NEXMIF: variants seen among roughly 807,000 people sequenced by gnomAD.
NEXMIF encodes XLMR protein related to neurite extension.
In NEXMIF, 8 loss-of-function variants were observed where a neutral mutation model predicts 62.1. The observed-to-expected ratio is 0.13, with a 90% CI of 0.08 to 0.23. The LOEUF (loss-of-function observed/expected upper bound fraction) is 0.23. Ranked by LOEUF, NEXMIF falls within the 10% of genes least tolerant of loss-of-function variation. NEXMIF has a pLI of 1.00. For synonymous variants in NEXMIF, 404 were observed against 416.6 expected, an observed-to-expected ratio of 0.97 and a Z score of 0.37; for missense variants, 976 against 1,113.3, an observed-to-expected ratio of 0.88 and a Z score of 1.75.
At chrX:74,757,759 C>G (rs1332160921) in intron 1 of NEXMIF, among the ~76,000 whole-genome samples, 2 of 111,116 alleles carry the variant, frequency 1.8e-5, no homozygotes, top group African/African-American at 6.5e-5. Flanking sequence ...CTTTTCTTTG[C>G]CTTTCTGCCA....
intron 1 of NEXMIF, among the ~76,000 whole-genome samples, chrX:74,922,276 T>C (rs900662488): frequency 1.8e-5 from 2 of 111,489 alleles, no homozygotes; most frequent in Non-Finnish European, 3.8e-5. Context: ...AGGGACAGAC[T>C]TGAAGTAAAA....
chrX:74,793,367 C>G (rs1429194774), intron 1 of NEXMIF, among the ~76,000 whole-genome samples: 2 of 108,492 alleles, frequency 1.8e-5, no homozygotes, highest in African/African-American at 3.3e-5. Context: ...ATGGGCTTCC[C>G]TTTGAGGGTA....
At chrX:74,842,690 C>G (rs1020190499) in intron 1 of NEXMIF, among the ~76,000 whole-genome samples, 2 of 112,206 alleles carry the variant, frequency 1.8e-5, no homozygotes, top group Non-Finnish European at 3.8e-5. Flanking sequence ...TCATTCTTTT[C>G]AAAGAACTTC....
chrX:74,755,101 A>G (rs1264760400), intron 1 of NEXMIF, among the ~76,000 whole-genome samples: 1 of 112,311 alleles, frequency 8.9e-6, no homozygotes, highest in Non-Finnish European at 1.9e-5. Context: ...AGCAGTGAAG[A>G]ACAGCATAGT....
chrX:74,908,815 T>A (rs2080777519), intron 1 of NEXMIF, among the ~76,000 whole-genome samples: 1 of 112,035 alleles, frequency 8.9e-6, no homozygotes, highest in Non-Finnish European at 1.9e-5. Flanking sequence ...AGGGACTCAG[T>A]GGGAGATAAT....
intron 1 of NEXMIF, among the ~76,000 whole-genome samples, chrX:74,872,462 A>T (rs2147505096): frequency 9.4e-6 from 1 of 106,903 alleles, no homozygotes; most frequent in Admixed American, 1.0e-4. Flanking sequence ...TGGTGGGGGG[A>T]AATGACAGTT....
chrX:74,878,722 G>A (rs1027006728), intron 1 of NEXMIF, among the ~76,000 whole-genome samples: 8 of 112,576 alleles, frequency 7.1e-5, no homozygotes, highest in African/African-American at 2.6e-4. Flanking sequence ...TTGGAAAAGC[G>A]CAGTATTCGG....
chrX:74,924,430 G>A (rs1000799316), intron 1 of NEXMIF, among the ~76,000 whole-genome samples: 8 of 113,312 alleles, frequency 7.1e-5, no homozygotes, highest in Middle Eastern at 4.6e-3. Flanking sequence ...GCACCTTTGC[G>A]GCTTTGGTCC....
chrX:74,780,923 G>C (rs951670899), intron 1 of NEXMIF, among the ~76,000 whole-genome samples: 10 of 111,326 alleles, frequency 9.0e-5, no homozygotes, highest in Non-Finnish European at 1.5e-4. Flanking sequence ...GGGGGCCCTG[G>C]GGACTCACCT....
chrX:74,838,598 C>T (rs2080464456), intron 1 of NEXMIF, among the ~76,000 whole-genome samples: 3 of 112,168 alleles, frequency 2.7e-5, no homozygotes, highest in African/African-American at 9.7e-5. Context: ...CATATGGTAA[C>T]AATACAGGGA....
chrX:74,882,637 G>C (rs760651972), intron 1 of NEXMIF, among the ~76,000 whole-genome samples: 4 of 111,888 alleles, frequency 3.6e-5, no homozygotes, highest in South Asian at 7.6e-4. Context: ...GTAGGTAAAC[G>C]AAGTGTCCAG....
chrX:74,876,085 G>T (rs1256359739), intron 1 of NEXMIF, among the ~76,000 whole-genome samples: 3 of 110,250 alleles, frequency 2.7e-5, no homozygotes, highest in Non-Finnish European at 5.7e-5. Context: ...GTGATGTTAG[G>T]GTGTCAATTT....
At chrX:74,819,508 C>T (rs1175731272) in intron 1 of NEXMIF, among the ~76,000 whole-genome samples, 1 of 111,693 alleles carries the variant, frequency 9.0e-6, no homozygotes, top group African/African-American at 3.3e-5. Flanking sequence ...CAAACAACCC[C>T]ATCAAAAAGG....
chrX:74,770,998 A>G (rs2080208403), intron 1 of NEXMIF, among the ~76,000 whole-genome samples: 2 of 112,109 alleles, frequency 1.8e-5, no homozygotes, highest in Admixed American at 9.5e-5. Flanking sequence ...TAGCCTAGCA[A>G]TGCAGCTCCA....
At chrX:74,878,160 G>A (rs1421743167) in intron 1 of NEXMIF, among the ~76,000 whole-genome samples, 1 of 111,396 alleles carries the variant, frequency 9.0e-6, no homozygotes, top group African/African-American at 3.3e-5. Flanking sequence ...TGTACAGATG[G>A]GTTTTTGGTG....
At chrX:74,834,590 A>G (rs1233593816) in intron 1 of NEXMIF, among the ~76,000 whole-genome samples, 1 of 111,673 alleles carries the variant, frequency 9.0e-6, no homozygotes, top group African/African-American at 3.3e-5. Context: ...CTAGGGTAAA[A>G]TATGTTTCCT....
At chrX:74,873,398 T>A (rs145843165) in intron 1 of NEXMIF, among the ~76,000 whole-genome samples, 1 of 111,629 alleles carries the variant, frequency 9.0e-6, no homozygotes, top group Non-Finnish European at 1.9e-5. Flanking sequence ...CATTGTTGGA[T>A]GTTTGGGTTG....
intron 1 of NEXMIF, among the ~76,000 whole-genome samples, chrX:74,866,671 T>A (rs1289844517): frequency 2.7e-5 from 3 of 112,560 alleles, no homozygotes; most frequent in African/African-American, 9.7e-5. Flanking sequence ...CATAATTGAA[T>A]CATGGGAGTG....
intron 1 of NEXMIF, among the ~76,000 whole-genome samples, chrX:74,773,605 A>G (rs1445580140): frequency 1.8e-5 from 2 of 110,634 alleles, no homozygotes; most frequent in African/African-American, 3.3e-5. Flanking sequence ...CATATAAAAC[A>G]TCCTTTAAAA....
Sources: allele counts gnomAD v4.1 joint callset (sites outside exome capture counted in the v4.1 genomes callset), GRCh38; gene constraint gnomAD v4.1.1; transcripts MANE v1.5; gene names NCBI Gene and HGNC (gene_info 2026-07-23, HGNC 2026-07-21).